Variants in CDHR2 observed in about 807,000 individuals in gnomAD.
CDHR2 encodes the protein cadherin related family member 2.
In CDHR2, 104 loss-of-function variants were observed where a neutral mutation model predicts 138.6. That is an observed-to-expected ratio of 0.75 (90% CI 0.64 to 0.88). The LOEUF (loss-of-function observed/expected upper bound fraction) is 0.88. CDHR2 is among the 40% of genes least tolerant of loss of function. CDHR2 has a pLI of 0.00. For missense variants in CDHR2, 1,624 were observed against 1,727.6 expected (o/e 0.94, Z 1.06); for synonymous variants, 755 against 742.8 (o/e 1.02, Z -0.27).
chr5:176,593,452 T>C (rs1303520687), intron 31 of CDHR2, among the ~76,000 whole-genome samples: 1 of 152,168 alleles, frequency 6.6e-6, no homozygotes. Flanking sequence ...GGTGCTAAGG[T>C]GCAGGCACGG....
chr5:176,559,807 T>A (rs1757925464), intron 1 of CDHR2, among the ~76,000 whole-genome samples: 1 of 152,086 alleles, frequency 6.6e-6, no homozygotes, highest in South Asian at 2.1e-4. Context: ...CCCTCCCCCA[T>A]CAGGAGACAC....
At position 176,575,758 on chromosome 5, in the gene CDHR2, A is replaced by C. The variant is rs1321928948; in HGVS notation, c.879A>C (p.Ala293=). The change falls in exon 11 of 32, where the codon GCA becomes GCC. Residue 293 remains alanine (A), a synonymous_variant. Transcript: ENST00000261944. ...GGCCCGGCTGGTTTGACATCGGGGC[A>C]GATGGGGTGATCAGGGTCAACGGCT... ...STRPGWFDIG[A]DGVIRVNGSL... is the part of the protein sequence containing the mutation. The C allele has an allele frequency of 6.4e-7, 1 of 1,568,874 alleles. No individual in the cohort carries two copies. Among genetic ancestry groups the C allele is most frequent in the Admixed American group, 1.9e-5 (1 of 53,304 alleles).
chr5:176,584,697 C>G lies in CDHR2; in HGVS notation c.2416C>G (p.Pro806Ala). ...TGTGAAAGACGTGAACGACAATCCC[C>G]CCACCCTGGATGTAGCCTCACTCCG... Reference protein sequence around the residue: ...VNVKDVNDNPPTLDVASLRGI... With the variant: ...VNVKDVNDNPATLDVASLRGI... The change falls in exon 19 of 32, where the codon CCC becomes GCC. Residue 806 changes from proline (P) to alanine (A), a missense_variant. Physicochemically the swap from Pro to Ala is conservative, Grantham distance 27. This residue lies in a region of CDHR2 where 1,061 missense variants were observed against 1,136.6 expected (regional missense o/e 0.93). Coordinates refer to ENST00000261944, the MANE Select transcript of CDHR2 (RefSeq NM_017675.6). 1 of 1,614,162 alleles carries G rather than the reference C, an allele frequency of 6.2e-7. No homozygotes were observed. Among genetic ancestry groups the G allele is most frequent in the Non-Finnish European group, 8.5e-7 (1 of 1,180,028 alleles).
At chr5:176,595,915 CA>C (rs1180124195), downstream of CDHR2, 7 of 394,896 alleles carry the variant, frequency 1.8e-5, no homozygotes, top group Non-Finnish European at 3.1e-5. Flanking sequence ...GCTCACAGCA[CA>C]GGGGGGACAA....
intron 16 of CDHR2, among the ~76,000 whole-genome samples, chr5:176,580,187 C>T (rs1488051762): frequency 6.8e-6 from 1 of 146,578 alleles, no homozygotes; most frequent in African/African-American, 2.6e-5. Context: ...CACTCACACA[C>T]GCACTCACAG....
rs868528089 is a variant in CDHR2, at chr5:176,574,608, T to C, written c.495+436T>C. On this transcript the variant is annotated intron_variant, in intron 7 of 31. Coordinates refer to ENST00000261944, the MANE Select transcript of CDHR2 (RefSeq NM_017675.6). ...TCCATGGCTGCTCAAGTCCCTGACA[T>C]GCAACGGGGTAGTATTTGCATGTAA... Among the ~76,000 whole-genome samples the C allele has an allele frequency of 2.6e-5, 4 of 152,198 alleles. No individual in the cohort carries two copies. The South Asian group carries it at 8.3e-4, about 32-fold the overall frequency.
chr5:176,559,424 C>G (rs1490948976), intron 1 of CDHR2, among the ~76,000 whole-genome samples: 1 of 152,148 alleles, frequency 6.6e-6, no homozygotes, highest in East Asian at 1.9e-4. Context: ...GTCTTTATCC[C>G]TAATACTCTC....
intron 31 of CDHR2, 55 bp from the exon 32 acceptor site, chr5:176,595,477 G>T (rs757583504): frequency 4.4e-5 from 66 of 1,510,752 alleles, no homozygotes; most frequent in Admixed American, 8.1e-5. Context: ...CTAGGGCCTG[G>T]GGCACTCGCC....
intron 20 of CDHR2, 39 bp from the exon 21 acceptor site, chr5:176,586,754 T>A (rs1433226837): frequency 7.0e-6 from 11 of 1,573,342 alleles, no homozygotes; most frequent in Middle Eastern, 1.7e-4. Context: ...GTGGGCAGTG[T>A]CCCGACCCCG....
At chr5:176,588,559 G>A (rs559416057) in intron 21 of CDHR2, among the ~76,000 whole-genome samples, 4 of 150,540 alleles carry the variant, frequency 2.7e-5, no homozygotes, top group Non-Finnish European at 4.4e-5. Flanking sequence ...ATGTGTGAGT[G>A]GGACAGTGTG....
chr5:176,564,435 G>T (rs574292277), intron 1 of CDHR2, among the ~76,000 whole-genome samples: 1 of 152,196 alleles, frequency 6.6e-6, no homozygotes, highest in African/African-American at 2.4e-5. Flanking sequence ...TGATCCGCCC[G>T]CCTCGGCCTC....
intron 17 of CDHR2, among the ~76,000 whole-genome samples, chr5:176,582,154 G>A (rs1341936346): frequency 1.3e-5 from 2 of 152,032 alleles, no homozygotes. Context: ...CTGAGTAGTT[G>A]GGACTATAGG....
At chr5:176,577,101 G>A (rs1402326932) in intron 12 of CDHR2, among the ~76,000 whole-genome samples, 9 of 151,162 alleles carry the variant, frequency 6.0e-5, no homozygotes, top group African/African-American at 2.2e-4. Flanking sequence ...GGGGCTGGGG[G>A]TGGGGGATGT....
chr5:176,582,043 C>T (rs1758545700), intron 17 of CDHR2, among the ~76,000 whole-genome samples: 1 of 152,196 alleles, frequency 6.6e-6, no homozygotes, highest in Non-Finnish European at 1.5e-5. Flanking sequence ...ATTTTTGAGA[C>T]AGGGTCTCCC....
rs537816119 is a variant in CDHR2 at position 176,573,722 on chromosome 5, T to C, written c.406-361T>C. Reference sequence around the variant, plus strand: ...AGTACTCCCCAAAGAAGCCTCCAGCTCTGTAGGGCGCTGTTTGAAACCCAT... The same window carrying C: ...AGTACTCCCCAAAGAAGCCTCCAGCCCTGTAGGGCGCTGTTTGAAACCCAT... On this transcript the variant is annotated intron_variant, in intron 6 of 31. Coordinates refer to ENST00000261944, the MANE Select transcript of CDHR2 (RefSeq NM_017675.6). Among the ~76,000 whole-genome samples the C allele has an allele frequency of 3.9e-5, 6 of 152,040 alleles. No homozygotes were observed. The South Asian group carries it at 1.2e-3, about 32-fold the overall frequency.
At chr5:176,581,764 G>A (rs1442680847) in intron 17 of CDHR2, among the ~76,000 whole-genome samples, 182 bp downstream of exon 17, 4 of 152,170 alleles carry the variant, frequency 2.6e-5, no homozygotes, top group East Asian at 1.9e-4. Flanking sequence ...TCTATAAAAC[G>A]GGGGTGAAAA....
rs752206361 is a variant in CDHR2, at chr5:176,595,758, C to A, written c.*86C>A. 1 of 1,290,502 alleles carries A rather than the reference C, an allele frequency of 7.7e-7. No homozygotes were observed. Among genetic ancestry groups the A allele is most frequent in the Non-Finnish European group, 1.0e-6 (1 of 966,148 alleles). The allele number at this position is 1,290,502 out of a possible 1,614,324, so 79.9% of individuals were successfully genotyped here. A position where few individuals can be genotyped will look rare whatever the true frequency, so the allele number is the denominator to read the frequency against. The stretch of plus-strand genomic sequence containing the variant: ...TCTCCCTGGAGATGAAAATATATGA[C>A]GCTGCCCTGCCTCCTGCTTTTGGCC... On this transcript the variant is annotated 3_prime_UTR_variant, in exon 32 of 32. Transcript: ENST00000261944.
intron 19 of CDHR2, 93 bp from the exon 20 acceptor site, chr5:176,585,861 A>G (rs1338581464): frequency 3.1e-6 from 3 of 972,398 alleles, no homozygotes; most frequent in East Asian, 4.8e-5. Flanking sequence ...GCTGCGGGGC[A>G]TGGGGTTGAG....
chr5:176,548,728 G>A (rs1004453939), upstream of CDHR2, among the ~76,000 whole-genome samples: 6 of 152,006 alleles, frequency 3.9e-5, no homozygotes, highest in Non-Finnish European at 5.9e-5. Flanking sequence ...GGGTGACAGA[G>A]CAAGACTCTG....
Sources: gnomAD v4.1 joint callset for allele counts (sites outside exome capture counted in the v4.1 genomes callset) on GRCh38, gnomAD v4.1.1 for gene constraint, gnomAD v4.1.1 regional missense constraint, MANE v1.5 for transcripts, NCBI Gene and HGNC (gene_info 2026-07-23, HGNC 2026-07-21) for gene names.